Variants in DNAH12 observed in about 807,000 individuals in gnomAD.
DNAH12 encodes dynein axonemal heavy chain 12, also known as axonemal beta dynein heavy chain 12.
DNAH12 carries 285 observed loss-of-function variants against 371.5 expected under a neutral mutation model. That is an observed-to-expected ratio of 0.77 (90% CI 0.70 to 0.85). DNAH12 has a LOEUF of 0.85. Ranked by LOEUF, DNAH12 falls within the 40% of genes least tolerant of loss-of-function variation. The pLI is 0.00. For missense variants in DNAH12, 3,611 were observed against 3,689.4 expected, an observed-to-expected ratio of 0.98 and a Z score of 0.55; for synonymous variants, 1,200 against 1,213.0, an observed-to-expected ratio of 0.99 and a Z score of 0.22.
the DNAH12 span, among the ~76,000 whole-genome samples, chr3:57,550,455 A>AT: frequency 1.3e-5 from 2 of 152,008 alleles, no homozygotes; most frequent in African/African-American, 4.8e-5. Context: ...CAGTTTTTAA[A>AT]TTTTTTCTCC....
intron 43 of DNAH12, among the ~76,000 whole-genome samples, chr3:57,401,585 AG>A (rs2063868023): frequency 1.5e-3 from 225 of 147,656 alleles, no homozygotes; most frequent in Middle Eastern, 3.4e-3. Context: ...AAAAAAAAGA[AG>A]AAGAAGAAGA....
Position 57,468,779 on chromosome 3 carries a change from A to C in DNAH12, c.2306T>G (p.Ile769Ser). 6.5e-7 allele frequency: 1 copy of C among 1,527,838 alleles called. No individual in the cohort carries two copies. The highest frequency in any genetic ancestry group is 8.8e-7 in the Non-Finnish European group (1 of 1,141,356). 94.6% of individuals were successfully genotyped at this position (1,527,838 alleles called of 1,614,324 possible). The stretch of plus-strand genomic sequence containing the variant: ...TTCCATGACTGTACTGCACATAGTA[A>C]TAGTAGCATTGTCTTTTGGTTCTTC... Reference protein sequence around the residue: ...IEEEPKDNATITMCSTVMEQI... With the variant: ...IEEEPKDNATSTMCSTVMEQI... The change falls in exon 17 of 74, where the codon ATT becomes AGT. Residue 769 changes from isoleucine (I) to serine (S), a missense_variant. Ile to Ser is a moderately radical substitution (Grantham distance 142). This residue lies in a region of DNAH12 where 1,314 missense variants were observed against 1,398.7 expected (regional missense o/e 0.94). Transcript: ENST00000495027.
chr3:57,375,828 A>G lies in DNAH12; in HGVS notation c.8603T>C (p.Met2868Thr), dbSNP rs1365067929. Residue 2868 changes from methionine (M) to threonine (T), a missense_variant, in exon 54 of 74, where the codon ATG becomes ACG. Met to Thr is a moderately conservative substitution (Grantham distance 81). Around this residue, in one of 3 missense-constraint regions of DNAH12, gnomAD observed 2,266 missense variants for 2,236.9 expected, o/e 1.01. Coordinates refer to ENST00000495027, the MANE Select transcript of DNAH12 (RefSeq NM_001366028.2). ...ATATAAAACCACTACCTTGCACAACATGCTCCAATCTTTTGTACATGTTTG... is the reference window on the plus strand; with the variant it reads ...ATATAAAACCACTACCTTGCACAACGTGCTCCAATCTTTTGTACATGTTTG... The part of the protein sequence containing the change: ...FRQTCTKDWS[M>T]LCKKKKIPCS... The G allele has an allele frequency of 5.3e-5, 8 of 152,170 alleles. No individual in the cohort carries two copies. Among genetic ancestry groups the G allele is most frequent in the African/African-American group, 1.9e-4 (8 of 41,456 alleles). The allele number at this position is 152,170 out of a possible 1,614,324, so 9.4% of individuals were successfully genotyped here.
Position 57,366,787 on chromosome 3 carries a change from T to C in DNAH12, c.9109A>G (p.Met3037Val), listed in dbSNP as rs1559591793. 6.6e-6 allele frequency: 1 copy of C among 152,228 alleles called. No homozygotes were observed. The allele number at this position is 152,228 out of a possible 1,614,324, so 9.4% of individuals were successfully genotyped here. A position where few individuals can be genotyped will look rare whatever the true frequency, so the allele number is the denominator to read the frequency against. The change falls in exon 57 of 74, where the codon ATG becomes GTG. Residue 3037 changes from methionine to valine, a missense_variant. Physicochemically the swap from Met to Val is conservative, Grantham distance 21 (BLOSUM62 1). Coordinates refer to ENST00000495027, the MANE Select transcript of DNAH12 (RefSeq NM_001366028.2). Reference protein sequence around the residue: ...LATKVSLLNFMITPEGLEDQL... With the variant: ...LATKVSLLNFVITPEGLEDQL... ...TCTTCAAGTCCTTCTGGAGTTATCA[T>C]GAAATTGAGCAAAGACACTTTTGTA...
chr3:57,472,476 T>C, intron 14 of DNAH12, 70 bp downstream of exon 14: 4 of 1,506,688 alleles, frequency 2.7e-6, no homozygotes, highest in South Asian at 1.3e-5. Context: ...CCAGGAGATA[T>C]GAAAATTAAA....
chr3:57,343,985 G>A (rs1301057106), intron 60 of DNAH12, among the ~76,000 whole-genome samples: 1 of 151,966 alleles, frequency 6.6e-6, no homozygotes, highest in African/African-American at 2.4e-5. Context: ...TTATCACCCT[G>A]TTCTCCTTCT....
Position 57,502,453 on chromosome 3 carries a change from T to G in DNAH12, c.1113A>C (p.Leu371=). 6.2e-7 allele frequency: 1 copy of G among 1,614,182 alleles called. No individual in the cohort carries two copies. The highest frequency in any genetic ancestry group is 8.5e-7 in the Non-Finnish European group (1 of 1,180,020). The change falls in exon 10 of 74, where the codon CTA becomes CTC. Residue 371 remains leucine (L), a synonymous_variant. Transcript: ENST00000495027. ...LQNVQTIPSW[L]SGTSTPVNLD... The stretch of plus-strand genomic sequence containing the variant: ...GATTTACTGGTGTTGAAGTTCCTGA[T>G]AGCCAAGAGGGGATTGTTTGGACAT...
intron 25 of DNAH12, among the ~76,000 whole-genome samples, chr3:57,451,692 A>G (rs970779757): frequency 1.3e-5 from 2 of 152,180 alleles, no homozygotes; most frequent in East Asian, 1.9e-4. Context: ...CTAGTCAGGT[A>G]TGAGCAGAGC....
At position 57,338,630 on chromosome 3, in the gene DNAH12, G is replaced by A. The variant is rs368226186; in HGVS notation, c.9675-3690C>T. ...ATGTGAAGAGCATCTCTGCCTGGCC[G>A]CCCCGTCTAGAAAGTGAGGAGCGCC... On this transcript the variant is annotated intron_variant, in intron 60 of 73. Coordinates refer to ENST00000495027, the MANE Select transcript of DNAH12 (RefSeq NM_001366028.2). Among the ~76,000 whole-genome samples, 803 of 145,016 alleles carry A rather than the reference G, an allele frequency of 5.5e-3. 10 individuals are homozygous for A. Among genetic ancestry groups the A allele is most frequent in the African/African-American group, 0.02 (777 of 38,502 alleles).
intron 59 of DNAH12, among the ~76,000 whole-genome samples, chr3:57,353,293 C>T (rs1176093179): frequency 6.6e-6 from 1 of 151,278 alleles, no homozygotes; most frequent in Admixed American, 6.6e-5. Flanking sequence ...TAGTTTGGCA[C>T]TTTATTTTTT....
At chr3:57,531,485 G>A (rs1028955159) in intron 2 of DNAH12, among the ~76,000 whole-genome samples, 1 of 152,076 alleles carries the variant, frequency 6.6e-6, no homozygotes, top group Non-Finnish European at 1.5e-5. Context: ...TGAGGGGCCA[G>A]GCGTGGTGGC....
intron 60 of DNAH12, among the ~76,000 whole-genome samples, chr3:57,346,939 C>T (rs182069085): frequency 1.3e-5 from 2 of 152,206 alleles, no homozygotes; most frequent in Non-Finnish European, 2.9e-5. Flanking sequence ...TATGAATAGA[C>T]CTGTATCTAT....
rs2064582014 is a variant in DNAH12, at chr3:57,421,601, C to T, written c.5479G>A (p.Asp1827Asn). 1 of 1,551,638 alleles carries T rather than the reference C, an allele frequency of 6.4e-7. No individual in the cohort carries two copies. The highest frequency in any genetic ancestry group is 8.7e-7 in the Non-Finnish European group (1 of 1,146,970). Residue 1827 changes from aspartate to asparagine, a missense_variant, in exon 36 of 74, where the codon GAT (aspartate) becomes AAT (asparagine). By Grantham distance (23) the Asp-to-Asn change is conservative. This residue lies in a region of DNAH12 where 2,266 missense variants were observed against 2,236.9 expected (regional missense o/e 1.01). Coordinates refer to ENST00000495027, the MANE Select transcript of DNAH12 (RefSeq NM_001366028.2). ...FIRLIILGKD[D>N]ENPVPDSVGK... The stretch of plus-strand genomic sequence containing the variant: ...ACAGAATCTGGCACTGGGTTTTCAT[C>T]ATCTTTTCCCAGTATGATTAATCGT...
chr3:57,491,582 C>T (rs1344760125), intron 11 of DNAH12, among the ~76,000 whole-genome samples: 2 of 152,036 alleles, frequency 1.3e-5, no homozygotes, highest in African/African-American at 4.8e-5. Context: ...TTTAACTATA[C>T]TCCTAACTAC....
intron 2 of DNAH12, among the ~76,000 whole-genome samples, chr3:57,526,383 T>C (rs2068645804): frequency 6.6e-6 from 1 of 152,192 alleles, no homozygotes; most frequent in Non-Finnish European, 1.5e-5. Flanking sequence ...ATTTTCTTTA[T>C]CCATTCATCT....
chr3:57,405,022 G>C lies in DNAH12; in HGVS notation c.6702C>G (p.Cys2234Trp). The C allele has an allele frequency of 6.5e-7, 1 of 1,543,820 alleles. No individual in the cohort carries two copies. The part of the protein sequence containing the change: ...IHHFSDVVDQ[C>W]LDEYNQTHKT... ...TGTGTGTTTGATTATACTCATCTAA[G>C]CACTGGTCCACAACATCACTAAAAT... Residue 2234 changes from cysteine (C) to tryptophan (W), a missense_variant, in exon 42 of 74, where the codon TGC becomes TGG. Physicochemically the swap from Cys to Trp is radical, Grantham distance 215. Coordinates refer to ENST00000495027, the MANE Select transcript of DNAH12 (RefSeq NM_001366028.2).
At chr3:57,361,444 C>CACACTATATATA (rs1409626573) in intron 58 of DNAH12, among the ~76,000 whole-genome samples, 8 of 116,690 alleles carry the variant, frequency 6.9e-5, no homozygotes, top group African/African-American at 3.4e-4. Context: ...CACACACACA[C>CACACTATATATA]TATATATATA....
At chr3:57,334,363 A>G in intron 62 of DNAH12, 102 bp downstream of exon 62, 4 of 1,257,770 alleles carry the variant, frequency 3.2e-6, no homozygotes, top group Middle Eastern at 2.2e-4. Context: ...AAGCTGGATA[A>G]TCAATCTGAG....
chr3:57,466,488 A>G lies in DNAH12; in HGVS notation c.2349+2248T>C, dbSNP rs1235053659. On this transcript the variant is annotated intron_variant, in intron 17 of 73. Coordinates refer to ENST00000495027, the MANE Select transcript of DNAH12 (RefSeq NM_001366028.2). ...TAGACAGGAACAATGCTTGAATCCA[A>G]TCACAGAGTTTGCACTCTGGGCATG... 2.6e-5 allele frequency among the ~76,000 whole-genome samples: 4 copies of G among 152,226 alleles called. No homozygotes were observed. The East Asian group carries it at 7.7e-4, about 29-fold the overall frequency.
Sources: allele counts gnomAD v4.1 joint callset (sites outside exome capture counted in the v4.1 genomes callset), GRCh38; gene constraint gnomAD v4.1.1; regional missense constraint gnomAD v4.1.1; transcripts MANE v1.5; gene names NCBI Gene and HGNC (gene_info 2026-07-23, HGNC 2026-07-21).